The following TRIP13 variants were observed in gnomAD, a reference collection of about 807,000 sequenced individuals.
TRIP13 encodes pachytene checkpoint protein 2 homolog.
TRIP13 carries 25 observed loss-of-function variants against 54.4 expected under a neutral mutation model. The observed-to-expected ratio is 0.46, with a 90% confidence interval of 0.33 to 0.64. The LOEUF (loss-of-function observed/expected upper bound fraction) is 0.64. Ranked by LOEUF, TRIP13 falls within the 30% of genes least tolerant of loss-of-function variation. The probability of loss-of-function intolerance (pLI) is 0.02; values close to 1 mark genes in which losing one functional copy is unlikely to be tolerated. For missense variants in TRIP13, 373 were observed against 534.2 expected, an observed-to-expected ratio of 0.70 and a Z score of 2.97; for synonymous variants, 207 against 207.8, an observed-to-expected ratio of 1.00 and a Z score of 0.03.
chr5:910,046 A>G (rs564955169), intron 9 of TRIP13, among the ~76,000 whole-genome samples: 3 of 152,384 alleles, frequency 2.0e-5, no homozygotes, highest in South Asian at 4.1e-4. Context: ...CTTGTCCCCA[A>G]CAAGTGTGCA....
intron 5 of TRIP13, 59 bp downstream of exon 5, chr5:901,490 G>C (rs1753989742): frequency 6.5e-7 from 1 of 1,538,012 alleles, no homozygotes; most frequent in Non-Finnish European, 9.0e-7. Context: ...GCCTTTACTT[G>C]TACCTTCGTC....
In TRIP13 at chr5:911,495, G is replaced by A. The variant is rs919404435; in HGVS notation, c.867-348G>A. Among the ~76,000 whole-genome samples the A allele has an allele frequency of 2.0e-5, 3 of 152,164 alleles. No individual in the cohort carries two copies. Among genetic ancestry groups the A allele is most frequent in the African/African-American group, 7.2e-5 (3 of 41,516 alleles). The stretch of plus-strand genomic sequence containing the variant: ...CTGAGGCAGGAGAATGGTGTGAACC[G>A]GCGAGGCGGAGCTTGCAGTGAGCCG... On this transcript the variant is annotated intron_variant, in intron 9 of 12. Transcript: ENST00000166345. This position sits in a 1 kb window ranked among gnomAD's most constrained non-coding sequence, Gnocchi z 4.7.
Position 912,583 on chromosome 5 carries a change from G to A in TRIP13, c.1020+587G>A, listed in dbSNP as rs1321642213. 6.6e-6 allele frequency among the ~76,000 whole-genome samples: 1 copy of A among 151,244 alleles called. No individual in the cohort carries two copies. The highest frequency in any genetic ancestry group is 1.5e-5 in the Non-Finnish European group (1 of 67,584). On this transcript the variant is annotated intron_variant, in intron 10 of 12. Coordinates refer to ENST00000166345, the MANE Select transcript of TRIP13 (RefSeq NM_004237.4). The surrounding 1 kb of genome is among the most constrained non-coding windows in gnomAD (Gnocchi z 7.2). ...GTGAGTCAGGAGGGCCGTCGCCACG[G>A]GCACAGTGACGTGCGGTGAGTGTGA...
chr5:901,519 G>C (rs973139922), intron 5 of TRIP13, 88 bp downstream of exon 5: 5 of 1,310,140 alleles, frequency 3.8e-6, no homozygotes, highest in Non-Finnish European at 5.4e-6. Context: ...AGGAGTTACG[G>C]CTCTTTGTTT....
At chr5:916,068 T>C (rs921705525) in intron 12 of TRIP13, 95 bp downstream of exon 12, 2 of 1,292,646 alleles carry the variant, frequency 1.5e-6, no homozygotes, top group African/African-American at 2.9e-5. Flanking sequence ...ATCAGCCTCA[T>C]TTTATCTCAG....
chr5:914,544 C>A lies in TRIP13; in HGVS notation c.1100C>A (p.Ser367Ter). 2 of 1,613,556 alleles carry A rather than the reference C, an allele frequency of 1.2e-6. No individual in the cohort carries two copies. The highest frequency in any genetic ancestry group is 2.2e-5 in the South Asian group (2 of 91,024). ...EMIGFIENNVSKLSLLLNDIS... is the reference protein window; with the variant it reads ...EMIGFIENNV Reference sequence around the variant, plus strand: ...ATTGGCTTCATTGAAAACAACGTGTCAAAATTGAGCCTTCTTTTGAATGAC... The same window carrying A: ...ATTGGCTTCATTGAAAACAACGTGTAAAAATTGAGCCTTCTTTTGAATGAC... Residue 367 changes from serine to a stop codon, truncating the protein, a stop_gained, in exon 11 of 13, where the codon TCA becomes TAA. Transcript: ENST00000166345. LOFTEE classifies it high-confidence loss of function.
intron 9 of TRIP13, among the ~76,000 whole-genome samples, chr5:910,955 G>A (rs560870513): frequency 3.4e-4 from 52 of 152,348 alleles, no homozygotes; most frequent in African/African-American, 1.2e-3. Context: ...CAGGGTCTAG[G>A]TGAAGTTGAC....
In TRIP13 at chr5:908,879, A is replaced by C; in HGVS notation, c.866+418A>C. The C allele has an allele frequency of 5.3e-6, 1 of 188,462 alleles. No homozygotes were observed. The highest frequency in any genetic ancestry group is 1.2e-4 in the South Asian group (1 of 8,482). The allele number at this position is 188,462 out of a possible 1,614,324, so 11.7% of individuals were successfully genotyped here. On this transcript the variant is annotated intron_variant, in intron 9 of 12. Transcript: ENST00000166345. This position sits in a 1 kb window ranked among gnomAD's most constrained non-coding sequence, Gnocchi z 5.2. ...AGGCTGAGGCAGGAGAATGGTGTGA[A>C]CCCGGGAGGCAGAACTTGCAGTGAG...
chr5:908,605 CCA>C lies in TRIP13; in HGVS notation c.866+147_866+148del. On this transcript the variant is annotated intron_variant, in intron 9 of 12. Coordinates refer to ENST00000166345, the MANE Select transcript of TRIP13 (RefSeq NM_004237.4). The surrounding 1 kb of genome is among the most constrained non-coding windows in gnomAD (Gnocchi z 5.2). ...TTGGCATTGAGTATCGACTCCTTTT[CCA>C]CATTGGAAGCAGCATATCACAAATG... 1 of 1,478,900 alleles carries C rather than the reference CCA, an allele frequency of 6.8e-7. No homozygotes were observed. Among genetic ancestry groups the C allele is most frequent in the Non-Finnish European group, 9.0e-7 (1 of 1,113,790 alleles). 91.6% of individuals were successfully genotyped at this position (1,478,900 alleles called of 1,614,324 possible).
In TRIP13 at chr5:894,860, T is replaced by C; in HGVS notation, c.166T>C (p.Tyr56His). Residue 56 changes from tyrosine (Y) to histidine (H), a missense_variant, in exon 2 of 13, where the codon TAC becomes CAC. Coordinates refer to ENST00000166345, the MANE Select transcript of TRIP13 (RefSeq NM_004237.4). ...LNRHNIVFGDYTWTEFDEPFL... is the reference protein window; with the variant it reads ...LNRHNIVFGDHTWTEFDEPFL... ...CAGACATAATATTGTGTTTGGTGAT[T>C]ACACATGGACTGAGTTTGATGAACC... 1 of 1,614,044 alleles carries C rather than the reference T, an allele frequency of 6.2e-7. No homozygotes were observed. The highest frequency in any genetic ancestry group is 8.5e-7 in the Non-Finnish European group (1 of 1,179,962).
Position 907,687 on chromosome 5 carries a change from C to T in TRIP13, c.673-301C>T, listed in dbSNP as rs200244373. On this transcript the variant is annotated intron_variant, in intron 7 of 12. Coordinates refer to ENST00000166345, the MANE Select transcript of TRIP13 (RefSeq NM_004237.4). This position sits in a 1 kb window ranked among gnomAD's most constrained non-coding sequence, Gnocchi z 4.1. ...TTGCATCTGTGGTCTGCCTCTTTTCCTCATCAGAGAGGACACACAGGTAAA... is the reference window on the plus strand; with the variant it reads ...TTGCATCTGTGGTCTGCCTCTTTTCTTCATCAGAGAGGACACACAGGTAAA... Among the ~76,000 whole-genome samples, 13 of 152,354 alleles carry T rather than the reference C, an allele frequency of 8.5e-5. No homozygotes were observed. The highest frequency in any genetic ancestry group is 3.1e-4 in the African/African-American group (13 of 41,584).
intron 1 of TRIP13, 110 bp downstream of exon 1, chr5:893,200 G>A (rs907326637): frequency 2.7e-6 from 3 of 1,126,244 alleles, no homozygotes; most frequent in Non-Finnish European, 3.8e-6. Flanking sequence ...CGAACCCCAG[G>A]GTACTGATCC....
chr5:904,013 A>T, intron 5 of TRIP13, 135 bp from the exon 6 acceptor site: 1 of 705,350 alleles, frequency 1.4e-6, no homozygotes, highest in Non-Finnish European at 2.2e-6. Flanking sequence ...TTCTAAGCAG[A>T]CTTCATTGTA....
Position 912,136 on chromosome 5 carries a change from G to A in TRIP13, c.1020+140G>A, listed in dbSNP as rs934566576. ...AACTCCCTTCTTAAATTGAAAACTA[G>A]TTTTGTATGTGACAGGTTGAGCTGA... On this transcript the variant is annotated intron_variant, in intron 10 of 12. Transcript: ENST00000166345. The surrounding 1 kb of genome is among the most constrained non-coding windows in gnomAD (Gnocchi z 7.2). The A allele has an allele frequency of 8.7e-7, 1 of 1,146,218 alleles. No individual in the cohort carries two copies. 71.0% of individuals were successfully genotyped at this position (1,146,218 alleles called of 1,614,324 possible).
chr5:909,304 C>T (rs1442277717), intron 9 of TRIP13, among the ~76,000 whole-genome samples: 1 of 152,184 alleles, frequency 6.6e-6, no homozygotes, highest in East Asian at 1.9e-4. Flanking sequence ...CCTGCCTGTC[C>T]CTGTGTGGTG....
intron 4 of TRIP13, 30 bp downstream of exon 4, chr5:900,579 C>G (rs536298941): frequency 1.2e-6 from 2 of 1,606,276 alleles, no homozygotes; most frequent in Non-Finnish European, 1.7e-6. Context: ...CCCAGAATGC[C>G]CTGTTATTTG....
chr5:894,016 G>T (rs1753805779), intron 1 of TRIP13, among the ~76,000 whole-genome samples: 1 of 152,170 alleles, frequency 6.6e-6, no homozygotes, highest in Non-Finnish European at 1.5e-5. Flanking sequence ...GCACCTAGAG[G>T]ACAGACACCT....
At position 894,818 on chromosome 5, in the gene TRIP13, G is replaced by A. The variant is rs761088483; in HGVS notation, c.124G>A (p.Val42Ile). ...AAAGAAAGAAGACATAAACCTGAGT[G>A]TTAGAAAGCTACTCAACAGACATAA... ...TAKKEDINLSVRKLLNRHNIV... is the reference protein window; with the variant it reads ...TAKKEDINLSIRKLLNRHNIV... The change falls in exon 2 of 13, where the codon GTT (valine) becomes ATT (isoleucine). Residue 42 changes from valine to isoleucine, a missense_variant. Physicochemically the swap from Val to Ile is conservative, Grantham distance 29 (BLOSUM62 3). Transcript: ENST00000166345. 2 of 1,611,640 alleles carry A rather than the reference G, an allele frequency of 1.2e-6. No homozygotes were observed. The highest frequency in any genetic ancestry group is 1.1e-5 in the South Asian group (1 of 90,126).
In TRIP13 at chr5:913,226, T is replaced by C. The variant is rs73020948; in HGVS notation, c.1020+1230T>C. On this transcript the variant is annotated intron_variant, in intron 10 of 12. Transcript: ENST00000166345. The surrounding 1 kb of genome is among the most constrained non-coding windows in gnomAD (Gnocchi z 4.5). ...GTTGGAGGTCCTCACGCACCTTCAG[T>C]GTGGGTTCCAGCCCTCGCAGTGTGA... is the stretch of plus-strand genomic sequence containing the variant. 0.018 allele frequency among the ~76,000 whole-genome samples: 2,784 copies of C among 152,290 alleles called. 86 individuals are homozygous for C. Among genetic ancestry groups the C allele is most frequent in the African/African-American group, 0.064 (2,648 of 41,536 alleles).
Sources: allele counts gnomAD v4.1 joint callset (sites outside exome capture counted in the v4.1 genomes callset), GRCh38; gene constraint gnomAD v4.1.1; non-coding constraint Gnocchi (gnomAD v3.1); transcripts MANE v1.5; gene names NCBI Gene and HGNC (gene_info 2026-07-23, HGNC 2026-07-21).